MASP2: variants seen among roughly 807,000 people sequenced by gnomAD.
MASP2 encodes MBL associated serine protease 2.
A neutral mutation model predicts 57.1 loss-of-function variants in MASP2; 49 were observed. The ratio of observed to expected loss-of-function variants is 0.86; its 90% CI spans 0.68 to 1.09. The LOEUF (loss-of-function observed/expected upper bound fraction) is 1.09, where lower values mean the gene tolerates loss of function less well. MASP2 is among the 50% of genes least tolerant of loss of function. The probability of loss-of-function intolerance (pLI) is 0.00; values close to 1 mark genes in which losing one functional copy is unlikely to be tolerated. For missense variants in MASP2, 900 were observed against 874.8 expected (o/e 1.03, Z -0.36); for synonymous variants, 379 against 340.8 (o/e 1.11, Z -1.24).
chr1:11,036,866 GCTGT>G (rs1230496790), intron 7 of MASP2, among the ~76,000 whole-genome samples: 1 of 151,972 alleles, frequency 6.6e-6, no homozygotes, highest in Non-Finnish European at 1.5e-5. Flanking sequence ...CTTTCCCGGG[GCTGT>G]CTACTTTTTT....
At chr1:11,045,014 G>C in intron 4 of MASP2, 2 of 1,533,528 alleles carry the variant, frequency 1.3e-6, no homozygotes, top group Admixed American at 3.5e-5. Context: ...AGTCGGGGGA[G>C]GCAGGGTCAG....
rs1041656347 is a variant in MASP2 at position 11,047,135 on chromosome 1, G to A, written c.6-16C>T. On this transcript the variant is annotated splice_polypyrimidine_tract_variant and intron_variant, in intron 1 of 10. Coordinates refer to ENST00000400897, the MANE Select transcript of MASP2 (RefSeq NM_006610.4). Reference sequence around the variant, plus strand: ...GGTCAGCAGCCTATGGGCAGGGCAGGGGCGGTGAGGGCCCAGGCCTGTGCT... The same window carrying A: ...GGTCAGCAGCCTATGGGCAGGGCAGAGGCGGTGAGGGCCCAGGCCTGTGCT... The A allele has an allele frequency of 3.2e-6, 5 of 1,548,682 alleles. No homozygotes were observed. Among genetic ancestry groups the A allele is most frequent in the Non-Finnish European group, 4.4e-6 (5 of 1,146,266 alleles).
At chr1:11,045,112 G>T in intron 4 of MASP2, 1 of 778,626 alleles carries the variant, frequency 1.3e-6, no homozygotes, top group Non-Finnish European at 2.2e-6. Flanking sequence ...AGGAACGAGG[G>T]CTAGATACCC....
chr1:11,038,480 T>A (rs1010821402), intron 6 of MASP2, among the ~76,000 whole-genome samples: 8 of 152,130 alleles, frequency 5.3e-5, no homozygotes, highest in African/African-American at 1.9e-4. Context: ...TGAGCTGCAT[T>A]CCACTCTGGC....
intron 10 of MASP2, among the ~76,000 whole-genome samples, chr1:11,028,614 G>A (rs922657959): frequency 6.6e-5 from 10 of 151,680 alleles, no homozygotes; most frequent in Admixed American, 3.3e-4. Context: ...ACCTACAGAC[G>A]TTGTGTTAGC....
chr1:11,030,156 T>A lies in MASP2; in HGVS notation c.1297+20A>T. ...TCCTTTCCATCAATTACCAGTCTCT[T>A]GTATAAATGTATCCATTACCAGGCT... On this transcript the variant is annotated intron_variant, in intron 10 of 10. Coordinates refer to ENST00000400897, the MANE Select transcript of MASP2 (RefSeq NM_006610.4). 6.3e-7 allele frequency: 1 copy of A among 1,577,630 alleles called. No individual in the cohort carries two copies. Among genetic ancestry groups the A allele is most frequent in the Non-Finnish European group, 8.7e-7 (1 of 1,149,788 alleles).
rs778598737 is a variant in MASP2, at chr1:11,027,604, C to G, written c.1342G>C (p.Gly448Arg). Reference sequence around the variant, plus strand: ...AAATCACCAGGTTTTGCCTTTTGCCCTCCATATATACGCCCTCCTGTTGTG... The same window carrying G: ...AAATCACCAGGTTTTGCCTTTTGCCGTCCATATATACGCCCTCCTGTTGTG... The part of the protein sequence containing the change: ...ARTTGGRIYG[G>R]QKAKPGDFPW... The change falls in exon 11 of 11, where the codon GGG becomes CGG. Residue 448 changes from glycine (G) to arginine (R), a missense_variant. By Grantham distance (125) the Gly-to-Arg change is moderately radical. Coordinates refer to ENST00000400897, the MANE Select transcript of MASP2 (RefSeq NM_006610.4). The G allele has an allele frequency of 6.2e-7, 1 of 1,614,024 alleles. No individual in the cohort carries two copies. The highest frequency in any genetic ancestry group is 1.1e-5 in the South Asian group (1 of 91,054).
chr1:11,038,703 T>C (rs1052532803), intron 6 of MASP2, among the ~76,000 whole-genome samples: 1 of 152,066 alleles, frequency 6.6e-6, no homozygotes, highest in Non-Finnish European at 1.5e-5. Context: ...GGTCCCAAAG[T>C]CTCCCCTTGA....
intron 8 of MASP2, among the ~76,000 whole-genome samples, chr1:11,033,243 G>A (rs987764520): frequency 1.3e-5 from 2 of 151,460 alleles, no homozygotes; most frequent in Non-Finnish European, 2.9e-5. Context: ...CAGGAGAATC[G>A]CTTGAACCTG....
intron 4 of MASP2, chr1:11,044,799 G>T: frequency 2.0e-6 from 3 of 1,523,144 alleles, no homozygotes; most frequent in South Asian, 1.2e-5. Flanking sequence ...GGCAGCAGGT[G>T]GGGTGGGGCC....
At chr1:11,045,180 A>C (rs72550888) in intron 4 of MASP2, 9 of 768,362 alleles carry the variant, frequency 1.2e-5, no homozygotes, top group Admixed American at 2.0e-5. Flanking sequence ...CCAGGTACAC[A>C]GTGGGATGTT....
chr1:11,033,925 C>T (rs570089644), intron 8 of MASP2, among the ~76,000 whole-genome samples: 18 of 86,588 alleles, frequency 2.1e-4, no homozygotes, highest in East Asian at 7.6e-4. Context: ...AGTGAGACTC[C>T]GACACACACA....
intron 8 of MASP2, among the ~76,000 whole-genome samples, chr1:11,033,985 T>TCA (rs1553161033): frequency 2.1e-5 from 3 of 140,080 alleles, no homozygotes; most frequent in African/African-American, 8.1e-5. Context: ...TCTCTCTCTC[T>TCA]CACACACTTT....
chr1:11,044,879 T>G, intron 4 of MASP2: 3 of 1,580,802 alleles, frequency 1.9e-6, no homozygotes, highest in Non-Finnish European at 2.6e-6. Flanking sequence ...AACCCGGAGC[T>G]GAGGCCAGCA....
intron 10 of MASP2, 54 bp downstream of exon 10, chr1:11,030,122 A>C (rs907791760): frequency 2.7e-5 from 36 of 1,333,446 alleles, no homozygotes; most frequent in Non-Finnish European, 3.9e-5. Context: ...ACTGTCTCCT[A>C]CCCAGTCCTC....
intron 6 of MASP2, among the ~76,000 whole-genome samples, chr1:11,041,766 A>AT (rs1638456482): frequency 1.3e-3 from 1 of 762 alleles, no homozygotes; most frequent in Non-Finnish European, 3.1e-3. Context: ...GGATGGATGG[A>AT]AGAATGGGTG....
At position 11,037,696 on chromosome 1, in the gene MASP2, C is replaced by CA. The variant is rs747975856; in HGVS notation, c.1004dup (p.Gln336AlafsTer30). ...GGTGTACTTTGTTTTAACTCACTTG[C>CA]AGAAGCTCATAGCCAGTCTCGCAAA... On this transcript the variant is annotated frameshift_variant, in exon 7 of 11. Transcript: ENST00000400897. LOFTEE classifies it high-confidence loss of function. 2 of 1,601,258 alleles carry CA rather than the reference C, an allele frequency of 1.2e-6. No homozygotes were observed. The highest frequency in any genetic ancestry group is 2.2e-5 in the South Asian group (2 of 88,986).
intron 6 of MASP2, 78 bp downstream of exon 6, chr1:11,042,797 C>T: frequency 1.3e-6 from 2 of 1,516,860 alleles, no homozygotes; most frequent in South Asian, 1.2e-5. Context: ...AGGAGCCCTA[C>T]ACTCTACAGC....
At chr1:11,043,226 G>C in intron 5 of MASP2, 113 bp downstream of exon 5, 2 of 1,063,738 alleles carry the variant, frequency 1.9e-6, no homozygotes, top group Non-Finnish European at 2.7e-6. Context: ...CTGAAGAGGT[G>C]GGGGTCACCG....
Sources: gnomAD v4.1 joint callset for allele counts (sites outside exome capture counted in the v4.1 genomes callset) on GRCh38, gnomAD v4.1.1 for gene constraint, MANE v1.5 for transcripts, NCBI Gene and HGNC (gene_info 2026-07-23, HGNC 2026-07-21) for gene names.